The following CLASP1 variants were observed in gnomAD, a reference collection of about 807,000 sequenced individuals.
The protein encoded by CLASP1 is CLIP-associating protein 1.
In CLASP1, 38 loss-of-function variants were observed where a neutral mutation model predicts 192.3. That is an observed-to-expected ratio of 0.20 (90% CI 0.15 to 0.26). CLASP1 has a LOEUF of 0.26. CLASP1 is among the 10% of genes least tolerant of loss of function. The probability of loss-of-function intolerance (pLI) is 1.00; values close to 1 mark genes in which losing one functional copy is unlikely to be tolerated. For missense variants in CLASP1, 1,433 were observed against 1,932.5 expected, an observed-to-expected ratio of 0.74 and a Z score of 4.85; for synonymous variants, 691 against 712.8, an observed-to-expected ratio of 0.97 and a Z score of 0.49.
chr2:121,516,709 TACAC>T (rs2094306331), intron 6 of CLASP1, among the ~76,000 whole-genome samples: 1 of 152,210 alleles, frequency 6.6e-6, no homozygotes, highest in African/African-American at 2.4e-5. Context: ...AAATGATACA[TACAC>T]ACTGATATGT....
At chr2:121,409,173 G>A in intron 24 of CLASP1, 1 of 702,400 alleles carries the variant, frequency 1.4e-6, no homozygotes, top group Non-Finnish European at 2.4e-6. Flanking sequence ...AAAAATACAG[G>A]TTAGCAAGCG....
At chr2:121,457,499 T>C (rs1164603262) in intron 14 of CLASP1, among the ~76,000 whole-genome samples, 188 bp downstream of exon 14, 3 of 148,448 alleles carry the variant, frequency 2.0e-5, no homozygotes, top group East Asian at 4.0e-4. Context: ...AGAAACATAA[T>C]AGAGGTTGTC....
intron 1 of CLASP1, among the ~76,000 whole-genome samples, chr2:121,644,163 T>A (rs183381933): frequency 1.2e-4 from 19 of 152,214 alleles, no homozygotes; most frequent in Admixed American, 1.0e-3. Context: ...ATTTTACAGA[T>A]GAAGACACTA....
intron 4 of CLASP1, among the ~76,000 whole-genome samples, chr2:121,528,138 G>A (rs1253751971): frequency 6.6e-6 from 1 of 152,234 alleles, no homozygotes; most frequent in East Asian, 1.9e-4. Context: ...AACCCTGAAA[G>A]AGAGGTATAA....
In CLASP1 at chr2:121,525,839, A is replaced by G; in HGVS notation, c.546+6T>C. 1 of 1,607,640 alleles carries G rather than the reference A, an allele frequency of 6.2e-7. No individual in the cohort carries two copies. On this transcript the variant is annotated splice_donor_region_variant and intron_variant, in intron 6 of 39. Transcript: ENST00000263710. Reference sequence around the variant, plus strand: ...ACTTCTCCCGAGGGTTTTCCTTCTCACTCACCTGGCTGTTTGGATCTCCAA... The same window carrying G: ...ACTTCTCCCGAGGGTTTTCCTTCTCGCTCACCTGGCTGTTTGGATCTCCAA...
chr2:121,356,863 T>C (rs991506321), intron 37 of CLASP1, among the ~76,000 whole-genome samples: 2 of 152,054 alleles, frequency 1.3e-5, no homozygotes, highest in African/African-American at 4.8e-5. Context: ...CTCTAAGGGG[T>C]AGAACTAGGG....
chr2:121,495,065 G>T (rs1440269101), intron 8 of CLASP1, among the ~76,000 whole-genome samples: 1 of 151,710 alleles, frequency 6.6e-6, no homozygotes, highest in African/African-American at 2.4e-5. Flanking sequence ...GCTCACGTCT[G>T]TAATCCCAAC....
At position 121,482,470 on chromosome 2, in the gene CLASP1, G is replaced by A. The variant is rs553524275; in HGVS notation, c.713-12510C>T. ...CAGAGAAAAGAACTTACAGCGACAC[G>A]CCAAGAGTGACTAAGATCAGTCTTG... On this transcript the variant is annotated intron_variant, in intron 8 of 39. Coordinates refer to ENST00000263710, the Ensembl canonical transcript of CLASP1. Among the ~76,000 whole-genome samples the A allele has an allele frequency of 4.6e-5, 7 of 152,208 alleles. No individual in the cohort carries two copies. The South Asian group carries it at 1.2e-3, about 27-fold the overall frequency.
chr2:121,616,278 C>T (rs2066451305), intron 1 of CLASP1, among the ~76,000 whole-genome samples: 1 of 152,058 alleles, frequency 6.6e-6, no homozygotes, highest in Admixed American at 6.5e-5. Flanking sequence ...GAAACCCCGT[C>T]TCTACTAAAA....
chr2:121,494,402 T>C (rs2093443306), intron 8 of CLASP1, among the ~76,000 whole-genome samples: 1 of 152,102 alleles, frequency 6.6e-6, no homozygotes, highest in African/African-American at 2.4e-5. Flanking sequence ...TTAAAACAAC[T>C]GAACTTATGG....
At chr2:121,530,633 G>A in intron 2 of CLASP1, 1 of 519,146 alleles carries the variant, frequency 1.9e-6, no homozygotes, top group Non-Finnish European at 3.5e-6. Flanking sequence ...CGCCAGCCCC[G>A]CCCCGGCGAG....
In CLASP1 at chr2:121,635,860, A is replaced by G. The variant is rs1247660231; in HGVS notation, c.-286+13512T>C. 2.6e-5 allele frequency among the ~76,000 whole-genome samples: 4 copies of G among 152,370 alleles called. No individual in the cohort carries two copies. The East Asian group carries it at 7.7e-4, about 29-fold the overall frequency. ...ATACAAAATAACCTCTAAAATGAGT[A>G]TATTTCTCAATTCAAAATTCAGTTA... On this transcript the variant is annotated intron_variant, in intron 1 of 39. Transcript: ENST00000263710.
intron 37 of CLASP1, among the ~76,000 whole-genome samples, chr2:121,354,064 C>T (rs1392475141): frequency 1.3e-5 from 2 of 152,222 alleles, no homozygotes; most frequent in Non-Finnish European, 2.9e-5. Context: ...CAAGCATGAA[C>T]CACTACACCC....
At chr2:121,515,871 G>T (rs879813941) in intron 6 of CLASP1, 109 bp from the exon 7 acceptor site, 9 of 798,720 alleles carry the variant, frequency 1.1e-5, no homozygotes, top group Non-Finnish European at 1.7e-5. Context: ...TTTTACCAGT[G>T]CAACTGTGAA....
At chr2:121,451,966 TTTA>T in intron 14 of CLASP1, 117 bp from the exon 15 acceptor site, 1 of 716,938 alleles carries the variant, frequency 1.4e-6, no homozygotes, top group Non-Finnish European at 2.4e-6. Flanking sequence ...TCTTCTGATT[TTTA>T]TGATTAGAAA....
At chr2:121,625,774 T>A (rs1452066194) in intron 1 of CLASP1, among the ~76,000 whole-genome samples, 2 of 150,060 alleles carry the variant, frequency 1.3e-5, no homozygotes, top group African/African-American at 4.9e-5. Context: ...AACAGAAAAA[T>A]CCCCAGACTT....
At chr2:121,545,866 A>C (rs1019745895) in intron 2 of CLASP1, among the ~76,000 whole-genome samples, 13 of 152,200 alleles carry the variant, frequency 8.5e-5, no homozygotes, top group Non-Finnish European at 1.8e-4. Flanking sequence ...AGGTTAAAAA[A>C]AAAAGTGTCT....
intron 6 of CLASP1, among the ~76,000 whole-genome samples, chr2:121,519,993 G>C (rs984414744): frequency 6.6e-5 from 10 of 152,174 alleles, no homozygotes; most frequent in Admixed American, 2.6e-4. Flanking sequence ...CATGAAGACT[G>C]CAAAAAGACA....
chr2:121,493,901 C>T (rs150966470), intron 8 of CLASP1, among the ~76,000 whole-genome samples: 1 of 152,334 alleles, frequency 6.6e-6, no homozygotes, highest in African/African-American at 2.4e-5. Context: ...AATGAGGTAT[C>T]ATCTCACCCC....
Sources: allele counts gnomAD v4.1 joint callset (sites outside exome capture counted in the v4.1 genomes callset), GRCh38; gene constraint gnomAD v4.1.1; transcripts MANE v1.5; gene names NCBI Gene and HGNC (gene_info 2026-07-23, HGNC 2026-07-21).